TBPL1: variants seen among roughly 807,000 people sequenced by gnomAD.
TBPL1 encodes the protein TATA-box binding protein like 1, also known as TATA box-binding protein-like 1.
A neutral mutation model predicts 22.1 loss-of-function variants in TBPL1; 4 were observed. The ratio of observed to expected loss-of-function variants is 0.18; its 90% CI spans 0.09 to 0.41. TBPL1 has a LOEUF of 0.41. TBPL1 is among the 10% of genes least tolerant of loss of function. TBPL1 has a pLI of 1.00. For missense variants in TBPL1, 115 were observed against 222.3 expected (o/e 0.52, Z 3.07); for synonymous variants, 64 against 71.0 (o/e 0.90, Z 0.50).
intron 1 of TBPL1, among the ~76,000 whole-genome samples, chr6:133,977,363 A>G (rs997522138): frequency 1.3e-5 from 2 of 152,184 alleles, no homozygotes; most frequent in South Asian, 2.1e-4. Flanking sequence ...GAAATGATGA[A>G]AAATCACCAA....
At chr6:133,955,608 C>G (rs1156640028) in intron 1 of TBPL1, among the ~76,000 whole-genome samples, 1 of 152,100 alleles carries the variant, frequency 6.6e-6, no homozygotes, top group East Asian at 1.9e-4. Flanking sequence ...TTAAGAGCCT[C>G]TGCTGAAACT....
intron 1 of TBPL1, among the ~76,000 whole-genome samples, chr6:133,956,801 A>G (rs1485955855): frequency 2.0e-5 from 3 of 152,214 alleles, no homozygotes; most frequent in Admixed American, 6.5e-5. Context: ...AATTCAAACA[A>G]TAAAGATAAT....
intron 1 of TBPL1, among the ~76,000 whole-genome samples, chr6:133,972,704 GT>G (rs34372580): frequency 2.4e-4 from 33 of 137,132 alleles, no homozygotes; most frequent in South Asian, 6.7e-4. Flanking sequence ...TTGTTTGTTT[GT>G]TTTTTTCCCC....
intron 1 of TBPL1, among the ~76,000 whole-genome samples, chr6:133,977,424 C>G (rs6569920): frequency 6.6e-6 from 1 of 151,868 alleles, no homozygotes; most frequent in Non-Finnish European, 1.5e-5. Flanking sequence ...TTCTTTACCC[C>G]TTTTTTTCTT....
At chr6:133,975,712 CTG>C (rs1012640508) in intron 1 of TBPL1, among the ~76,000 whole-genome samples, 1 of 152,046 alleles carries the variant, frequency 6.6e-6, no homozygotes, top group Non-Finnish European at 1.5e-5. Flanking sequence ...GAATATAACA[CTG>C]TGTATAACAA....
At chr6:133,955,525 T>C (rs1353333838) in intron 1 of TBPL1, among the ~76,000 whole-genome samples, 2 of 152,188 alleles carry the variant, frequency 1.3e-5, no homozygotes, top group Admixed American at 1.3e-4. Flanking sequence ...TCCTCTTTAT[T>C]TGGAAAATTG....
rs983714664 is a variant in TBPL1 at position 133,987,701 on chromosome 6, G to A, written c.*661G>A. The A allele has an allele frequency of 1.2e-4, 18 of 147,546 alleles. No individual in the cohort carries two copies. Among genetic ancestry groups the A allele is most frequent in the Admixed American group, 6.2e-4 (9 of 14,422 alleles). The allele number at this position is 147,546 out of a possible 1,614,324, so 9.1% of individuals were successfully genotyped here. Reference sequence around the variant, plus strand: ...TGTGTATAGTATCTTTTAATGCTCTGTTACCAAATAACAAATAGGAATTTT... The same window carrying A: ...TGTGTATAGTATCTTTTAATGCTCTATTACCAAATAACAAATAGGAATTTT... On this transcript the variant is annotated 3_prime_UTR_variant, in exon 7 of 7. Transcript: ENST00000237264.
intron 1 of TBPL1, among the ~76,000 whole-genome samples, chr6:133,968,262 T>C (rs1467172328): frequency 6.6e-6 from 1 of 152,148 alleles, no homozygotes; most frequent in Non-Finnish European, 1.5e-5. Context: ...GTATTTCTTA[T>C]ATAATCAGAA....
At chr6:133,977,771 A>G (rs550320114) in intron 1 of TBPL1, among the ~76,000 whole-genome samples, 1 of 147,610 alleles carries the variant, frequency 6.8e-6, no homozygotes, top group Non-Finnish European at 1.5e-5. Flanking sequence ...GGAGATTCAC[A>G]GCGTCAGGGG....
At chr6:133,977,690 T>G (rs562116111) in intron 1 of TBPL1, among the ~76,000 whole-genome samples, 2 of 152,314 alleles carry the variant, frequency 1.3e-5, no homozygotes, top group Non-Finnish European at 2.9e-5. Context: ...ATCACAGAAA[T>G]CCAACATGAG....
chr6:133,984,356 A>G lies in TBPL1; in HGVS notation c.283-20A>G, dbSNP rs2273097. The G allele has an allele frequency of 0.094, 145,425 of 1,549,128 alleles. 8,563 individuals are homozygous for G. Among genetic ancestry groups the G allele is most frequent in the African/African-American group, 0.27 (19,527 of 72,634 alleles). Reference sequence around the variant, plus strand: ...GTTTGTTTCAAAATAAATTTATTGAATTTTACTTCTCTCCTAAAGGTAATA... The same window carrying G: ...GTTTGTTTCAAAATAAATTTATTGAGTTTTACTTCTCTCCTAAAGGTAATA... On this transcript the variant is annotated intron_variant, in intron 4 of 6. Transcript: ENST00000237264.
At chr6:133,984,921 A>G (rs960790289) in intron 6 of TBPL1, among the ~76,000 whole-genome samples, 2 of 151,976 alleles carry the variant, frequency 1.3e-5, no homozygotes, top group East Asian at 1.9e-4. Context: ...ATTATATTCT[A>G]TGTAGCTGTA....
chr6:133,985,276 T>TAAAAAAAAAAAAAAAAAAAAAAAAAAAA (rs1229100828), intron 6 of TBPL1, among the ~76,000 whole-genome samples: 1 of 12,918 alleles, frequency 7.7e-5, no homozygotes, highest in Non-Finnish European at 1.2e-4. Context: ...AGACTCTGTC[T>TAAAAAAAAAAAAAAAAAAAAAAAAAAAA]AAAAAAAAAA....
At chr6:133,979,241 A>G (rs1776367831) in intron 1 of TBPL1, among the ~76,000 whole-genome samples, 1 of 152,224 alleles carries the variant, frequency 6.6e-6, no homozygotes, top group Non-Finnish European at 1.5e-5. Flanking sequence ...TCAGAAAGAA[A>G]ATAATGAATG....
chr6:133,985,001 C>T (rs1776481992), intron 6 of TBPL1, among the ~76,000 whole-genome samples: 1 of 151,798 alleles, frequency 6.6e-6, no homozygotes, highest in Admixed American at 6.6e-5. Flanking sequence ...TTCTGGTAGG[C>T]CAGGTGCATT....
chr6:133,983,288 G>C (rs775383400), intron 4 of TBPL1, among the ~76,000 whole-genome samples: 5 of 152,244 alleles, frequency 3.3e-5, no homozygotes, highest in Non-Finnish European at 7.3e-5. Context: ...CTTGTAACGT[G>C]ACTGTCACTG....
At chr6:133,964,606 C>T (rs530942922) in intron 1 of TBPL1, among the ~76,000 whole-genome samples, 7 of 151,894 alleles carry the variant, frequency 4.6e-5, no homozygotes, top group Admixed American at 3.9e-4. Flanking sequence ...CCTGCCACCA[C>T]TCCAGGCTAA....
chr6:133,987,131 T>G lies in TBPL1; in HGVS notation c.*91T>G, dbSNP rs185210903. On this transcript the variant is annotated 3_prime_UTR_variant, in exon 7 of 7. Transcript: ENST00000237264. ...AAAGGAAAACTGGACCAACAATAAT[T>G]GAGGAAATAGACTCTTTTATTCATT... The G allele has an allele frequency of 2.3e-3, 1,821 of 775,796 alleles. 5 individuals carry two copies. Among genetic ancestry groups the G allele is most frequent in the Admixed American group, 4.3e-3 (157 of 36,504 alleles). The allele number at this position is 775,796 out of a possible 1,614,324, so 48.1% of individuals were successfully genotyped here.
intron 1 of TBPL1, among the ~76,000 whole-genome samples, chr6:133,963,216 G>T (rs2114334000): frequency 6.6e-6 from 1 of 152,248 alleles, no homozygotes; most frequent in South Asian, 2.1e-4. Context: ...GAAGAATAGA[G>T]CCCTTTTTAA....
Sources: allele counts gnomAD v4.1 joint callset (sites outside exome capture counted in the v4.1 genomes callset), GRCh38; gene constraint gnomAD v4.1.1; transcripts MANE v1.5; gene names NCBI Gene and HGNC (gene_info 2026-07-23, HGNC 2026-07-21).